ERBB4: variants seen among roughly 807,000 people sequenced by gnomAD.
ERBB4 encodes the protein receptor tyrosine-protein kinase erbB-4.
A neutral mutation model predicts 158.0 loss-of-function variants in ERBB4; 42 were observed. The observed-to-expected ratio is 0.27, with a 90% CI of 0.21 to 0.34. The LOEUF is 0.34. Among genes scored for constraint, ERBB4 ranks in the 10% least tolerant of loss-of-function variants. The pLI, the probability that ERBB4 is intolerant of heterozygous loss-of-function variation, is 1.00. For synonymous variants in ERBB4, 583 were observed against 558.7 expected, an observed-to-expected ratio of 1.04 and a Z score of -0.61; for missense variants, 1,333 against 1,624.1, an observed-to-expected ratio of 0.82 and a Z score of 3.08.
chr2:211,383,211 C>T lies in ERBB4; in HGVS notation c.*404G>A, dbSNP rs1347440115. 8.9e-6 allele frequency: 2 copies of T among 225,538 alleles called. No individual in the cohort carries two copies. Among genetic ancestry groups the T allele is most frequent in the Non-Finnish European group, 8.0e-6 (1 of 125,556 alleles). The allele number at this position is 225,538 out of a possible 1,614,324, so 14.0% of individuals were successfully genotyped here. A position where few individuals can be genotyped will look rare whatever the true frequency, so the allele number is the denominator to read the frequency against. ...ACACATCAGTTCCTGCAGATAGGAA[C>T]AGATAGCATGGGTGTTTCAACCATC... On this transcript the variant is annotated 3_prime_UTR_variant, in exon 28 of 28. Transcript: ENST00000342788.
At chr2:211,611,373 A>G (rs1044999284) in intron 19 of ERBB4, among the ~76,000 whole-genome samples, 1 of 145,972 alleles carries the variant, frequency 6.9e-6, no homozygotes, top group Non-Finnish European at 1.5e-5. Flanking sequence ...CAAGCCAGAA[A>G]GGCAACCCTT....
At chr2:211,685,860 G>A (rs2072544477) in intron 12 of ERBB4, among the ~76,000 whole-genome samples, 2 of 152,204 alleles carry the variant, frequency 1.3e-5, no homozygotes, top group South Asian at 4.1e-4. Context: ...TTACACCAAA[G>A]TATTTCATCT....
chr2:212,057,473 A>T (rs2077616643), intron 2 of ERBB4, among the ~76,000 whole-genome samples: 1 of 152,238 alleles, frequency 6.6e-6, no homozygotes, highest in African/African-American at 2.4e-5. Flanking sequence ...TCAACAGAAT[A>T]TACATACTTC....
At chr2:211,783,066 G>C (rs1433987802) in intron 4 of ERBB4, among the ~76,000 whole-genome samples, 6 of 152,018 alleles carry the variant, frequency 3.9e-5, no homozygotes, top group Admixed American at 6.6e-5. Context: ...TTGTAGTTCT[G>C]CTTGAAGAGG....
intron 4 of ERBB4, among the ~76,000 whole-genome samples, chr2:211,756,927 A>G (rs1262303222): frequency 6.6e-6 from 1 of 152,212 alleles, no homozygotes; most frequent in Non-Finnish European, 1.5e-5. Context: ...TGATTTGTGG[A>G]CACATTCCCA....
intron 1 of ERBB4, among the ~76,000 whole-genome samples, chr2:212,483,182 T>C (rs1378591319): frequency 6.6e-6 from 1 of 152,230 alleles, no homozygotes; most frequent in Non-Finnish European, 1.5e-5. Context: ...GCTGAGCTTC[T>C]ATCCCTGTCT....
intron 1 of ERBB4, among the ~76,000 whole-genome samples, chr2:212,455,238 G>A (rs555331132): frequency 3.9e-5 from 6 of 152,172 alleles, no homozygotes; most frequent in African/African-American, 9.6e-5. Context: ...CCTTCAAGGG[G>A]TTATTTTTAA....
intron 11 of ERBB4, among the ~76,000 whole-genome samples, chr2:211,702,939 C>T (rs2073306308): frequency 6.6e-6 from 1 of 151,922 alleles, no homozygotes; most frequent in Admixed American, 6.6e-5. Context: ...TACTTTTTTA[C>T]TTATTTACTT....
rs1030174497 is a variant in ERBB4 at position 211,529,563 on chromosome 2, A to G, written c.2487+32340T>C. Among the ~76,000 whole-genome samples, 14 of 152,144 alleles carry G rather than the reference A, an allele frequency of 9.2e-5. 1 individual carries two copies. The highest frequency in any genetic ancestry group is 3.1e-4 in the African/African-American group (13 of 41,466). ...ACATCGAAAAAGAAAGCTACAGGCC[A>G]ATATCGCTGATGAACACTGATGCAA... On this transcript the variant is annotated intron_variant, in intron 20 of 27. Transcript: ENST00000342788.
chr2:212,538,609 C>A lies in ERBB4; in HGVS notation c.-79G>T. On this transcript the variant is annotated 5_prime_UTR_variant, in exon 1 of 28. Transcript: ENST00000342788. ...CCCCTTTCGGGCACGCGGAGGAGAT[C>A]CCCCAGCCGGGCGCGCGTGGGGGTG... The A allele has an allele frequency of 6.9e-7, 1 of 1,447,730 alleles. No individual in the cohort carries two copies. Among genetic ancestry groups the A allele is most frequent in the Non-Finnish European group, 9.7e-7 (1 of 1,030,842 alleles). 89.7% of individuals were successfully genotyped at this position (1,447,730 alleles called of 1,614,324 possible).
chr2:211,816,272 G>A (rs2076878207), intron 3 of ERBB4, among the ~76,000 whole-genome samples: 1 of 152,102 alleles, frequency 6.6e-6, no homozygotes, highest in Non-Finnish European at 1.5e-5. Context: ...CAGGCACGGT[G>A]GCTCATGCCT....
chr2:211,471,759 G>A (rs927083848), intron 20 of ERBB4, among the ~76,000 whole-genome samples: 3 of 152,116 alleles, frequency 2.0e-5, no homozygotes, highest in Admixed American at 6.6e-5. Flanking sequence ...AAGTTTGGTA[G>A]GACAGGTATC....
At chr2:212,269,445 C>G (rs1436651087) in intron 1 of ERBB4, among the ~76,000 whole-genome samples, 1 of 151,790 alleles carries the variant, frequency 6.6e-6, no homozygotes, top group Non-Finnish European at 1.5e-5. Flanking sequence ...AGCTGATTGG[C>G]ATGATCCACA....
chr2:212,134,519 T>C (rs1207322461), intron 1 of ERBB4, among the ~76,000 whole-genome samples: 3 of 152,014 alleles, frequency 2.0e-5, no homozygotes, highest in Non-Finnish European at 4.4e-5. Flanking sequence ...ATAATTTTCA[T>C]TACATAAAAC....
intron 3 of ERBB4, among the ~76,000 whole-genome samples, chr2:211,839,152 A>AAGG (rs71409858): frequency 0.086 from 9,435 of 109,822 alleles, 544 homozygotes; most frequent in East Asian, 0.11. Flanking sequence ...GGAGAGAGAG[A>AAGG]AGGAGGAGGA....
At chr2:211,708,719 G>A (rs1278580364) in intron 9 of ERBB4, among the ~76,000 whole-genome samples, 1 of 150,816 alleles carries the variant, frequency 6.6e-6, no homozygotes, top group Non-Finnish European at 1.5e-5. Flanking sequence ...AATATGCCAG[G>A]CACTGGGCTG....
At chr2:211,550,707 AATAT>A (rs139062710) in intron 20 of ERBB4, among the ~76,000 whole-genome samples, 27,784 of 136,888 alleles carry the variant, frequency 0.2, 2,861 homozygotes, top group African/African-American at 0.27. Flanking sequence ...TATATATAGG[AATAT>A]ATATATATAT....
chr2:212,293,707 G>T (rs143436898), intron 1 of ERBB4, among the ~76,000 whole-genome samples: 25,081 of 151,700 alleles, frequency 0.17, 2,217 homozygotes, highest in South Asian at 0.3. Context: ...AATTAGCTGG[G>T]CATGGTGGTG....
At chr2:212,485,547 G>A (rs1403433360) in intron 1 of ERBB4, among the ~76,000 whole-genome samples, 1 of 152,134 alleles carries the variant, frequency 6.6e-6, no homozygotes, top group Non-Finnish European at 1.5e-5. Context: ...GAAGACAGCA[G>A]GGGAATTTCA....
Sources: gnomAD v4.1 joint callset for allele counts (sites outside exome capture counted in the v4.1 genomes callset) on GRCh38, gnomAD v4.1.1 for gene constraint, MANE v1.5 for transcripts, NCBI Gene and HGNC (gene_info 2026-07-23, HGNC 2026-07-21) for gene names.